The following MOXD1 variants were observed in gnomAD, a reference collection of about 807,000 sequenced individuals.
MOXD1 encodes the protein DBH-like monooxygenase protein 1.
MOXD1 carries 62 observed loss-of-function variants against 66.6 expected under a neutral mutation model. That is an observed-to-expected ratio of 0.93 (90% CI 0.76 to 1.15). MOXD1 has a LOEUF of 1.15. Among genes scored for constraint, MOXD1 ranks in the 50% most tolerant of loss-of-function variants. The probability of loss-of-function intolerance (pLI) is 0.00; values close to 1 mark genes in which losing one functional copy is unlikely to be tolerated. For synonymous variants in MOXD1, 303 were observed against 281.9 expected (o/e 1.07, Z -0.75); for missense variants, 847 against 754.6 (o/e 1.12, Z -1.44).
intron 10 of MOXD1, among the ~76,000 whole-genome samples, chr6:132,313,870 G>A (rs1157215966): frequency 3.9e-5 from 6 of 152,198 alleles, no homozygotes; most frequent in Admixed American, 2.0e-4. Context: ...AGCTGAGATC[G>A]CGTCACTGCA....
At chr6:132,330,917 T>C (rs558000135) in intron 4 of MOXD1, among the ~76,000 whole-genome samples, 1 of 152,144 alleles carries the variant, frequency 6.6e-6, no homozygotes, top group South Asian at 2.1e-4. Flanking sequence ...ACATAGCGAG[T>C]CATGCCACAC....
chr6:132,383,750 C>A (rs1206694815), intron 1 of MOXD1, among the ~76,000 whole-genome samples: 1 of 152,150 alleles, frequency 6.6e-6, no homozygotes, highest in African/African-American at 2.4e-5. Context: ...TGCCTTCATC[C>A]TATCCCATCA....
chr6:132,397,870 T>C (rs1026429258), intron 1 of MOXD1, among the ~76,000 whole-genome samples: 1 of 152,204 alleles, frequency 6.6e-6, no homozygotes, highest in Non-Finnish European at 1.5e-5. Context: ...GCCTGTTCCA[T>C]TCAAGCTCTC....
intron 1 of MOXD1, chr6:132,391,712 A>C (rs908901991): frequency 6.6e-6 from 1 of 152,488 alleles, no homozygotes; most frequent in Non-Finnish European, 1.5e-5. Context: ...ACCACCATTC[A>C]GTTTCTTTGA....
At chr6:132,301,197 A>ATT (rs916631186) in intron 10 of MOXD1, among the ~76,000 whole-genome samples, 7 of 82,016 alleles carry the variant, frequency 8.5e-5, no homozygotes, top group African/African-American at 4.0e-4. Context: ...AACGAATGGT[A>ATT]TTATATATAT....
At chr6:132,337,434 A>C (rs1484814818) in intron 4 of MOXD1, among the ~76,000 whole-genome samples, 1 of 152,206 alleles carries the variant, frequency 6.6e-6, no homozygotes, top group African/African-American at 2.4e-5. Context: ...AAAAATAGTT[A>C]CTTCAGTAAA....
intron 4 of MOXD1, among the ~76,000 whole-genome samples, chr6:132,330,734 T>C (rs1775300604): frequency 6.6e-6 from 1 of 152,200 alleles, no homozygotes; most frequent in African/African-American, 2.4e-5. Context: ...GCATGCACAT[T>C]TACATGAAGT....
At chr6:132,369,011 C>T (rs113052187) in intron 4 of MOXD1, among the ~76,000 whole-genome samples, 25 of 152,178 alleles carry the variant, frequency 1.6e-4, no homozygotes, top group Non-Finnish European at 2.9e-4. Flanking sequence ...TGTGGTCTCT[C>T]TCTCTCTCAA....
intron 1 of MOXD1, among the ~76,000 whole-genome samples, chr6:132,396,174 GA>G (rs368680821): frequency 1.3e-5 from 2 of 152,120 alleles, no homozygotes; most frequent in African/African-American, 4.8e-5. Flanking sequence ...TTAAAAAATC[GA>G]AATCATATCA....
At chr6:132,393,259 G>A (rs538499958) in intron 1 of MOXD1, among the ~76,000 whole-genome samples, 14 of 152,264 alleles carry the variant, frequency 9.2e-5, no homozygotes, top group Non-Finnish European at 1.9e-4. Flanking sequence ...GATGCATGTA[G>A]ACAGGAAGCT....
At chr6:132,355,453 G>A (rs1483929714) in intron 4 of MOXD1, among the ~76,000 whole-genome samples, 2 of 152,202 alleles carry the variant, frequency 1.3e-5, no homozygotes, top group Non-Finnish European at 2.9e-5. Context: ...CCGGTATGTA[G>A]GCTGGGCCTG....
chr6:132,336,618 C>T (rs1378454824), intron 4 of MOXD1, among the ~76,000 whole-genome samples: 1 of 152,112 alleles, frequency 6.6e-6, no homozygotes, highest in Non-Finnish European at 1.5e-5. Context: ...GGTAAGGGTG[C>T]AATGCAAATC....
At chr6:132,392,263 C>T in intron 1 of MOXD1, 1 of 1,603,914 alleles carries the variant, frequency 6.2e-7, no homozygotes, top group Non-Finnish European at 8.5e-7. Flanking sequence ...AGACACTTCG[C>T]ATCACAGGCC....
intron 1 of MOXD1, 46 bp downstream of exon 1, chr6:132,401,117 C>A: frequency 1.4e-6 from 2 of 1,447,270 alleles, no homozygotes; most frequent in Non-Finnish European, 1.8e-6. Flanking sequence ...GGGGTCCGGA[C>A]GGGACCGGGC....
At chr6:132,312,248 T>C (rs1035578436) in intron 10 of MOXD1, among the ~76,000 whole-genome samples, 1 of 151,996 alleles carries the variant, frequency 6.6e-6, no homozygotes, top group Admixed American at 6.6e-5. Context: ...AGGATTGCTA[T>C]AGAATGTTTA....
At chr6:132,311,436 T>G (rs1774828244) in intron 10 of MOXD1, among the ~76,000 whole-genome samples, 1 of 151,434 alleles carries the variant, frequency 6.6e-6, no homozygotes, top group Admixed American at 6.6e-5. Flanking sequence ...TAATAAATAC[T>G]TGGTGGTTTA....
At chr6:132,317,632 G>C (rs1405595779) in intron 9 of MOXD1, among the ~76,000 whole-genome samples, 1 of 152,094 alleles carries the variant, frequency 6.6e-6, no homozygotes, top group Non-Finnish European at 1.5e-5. Context: ...TGGCCCTGAA[G>C]AGGGTATCAA....
chr6:132,346,416 T>C (rs1775669397), intron 4 of MOXD1, among the ~76,000 whole-genome samples: 1 of 152,204 alleles, frequency 6.6e-6, no homozygotes, highest in African/African-American at 2.4e-5. Flanking sequence ...ATGTAATAAA[T>C]GGCCCATCTT....
At chr6:132,397,137 C>G (rs1776900707) in intron 1 of MOXD1, among the ~76,000 whole-genome samples, 2 of 152,214 alleles carry the variant, frequency 1.3e-5, no homozygotes, top group Admixed American at 1.3e-4. Context: ...ACCACAGCAC[C>G]AGGCAAGGTC....
Sources: allele counts gnomAD v4.1 joint callset (sites outside exome capture counted in the v4.1 genomes callset), GRCh38; gene constraint gnomAD v4.1.1; transcripts MANE v1.5; gene names NCBI Gene and HGNC (gene_info 2026-07-23, HGNC 2026-07-21).